Variants in STX12 observed in about 807,000 individuals in gnomAD.
STX12 encodes the protein syntaxin 12, also known as syntaxin-12.
In STX12, 17 loss-of-function variants were observed where a neutral mutation model predicts 42.2. The observed-to-expected ratio is 0.40, with a 90% CI of 0.28 to 0.60. STX12 has a LOEUF of 0.60. STX12 is among the 20% of genes least tolerant of loss of function. The pLI, the probability that STX12 is intolerant of heterozygous loss-of-function variation, is 0.39. For missense variants in STX12, 297 were observed against 330.9 expected (o/e 0.90, Z 0.79); for synonymous variants, 108 against 116.7 (o/e 0.93, Z 0.48).
intron 4 of STX12, among the ~76,000 whole-genome samples, chr1:27,808,286 T>A (rs954520845): frequency 6.6e-6 from 1 of 151,842 alleles, no homozygotes; most frequent in African/African-American, 2.4e-5. Flanking sequence ...GAAAATACAT[T>A]GATTTTTACC....
chr1:27,816,969 G>A (rs1340737232), intron 6 of STX12, among the ~76,000 whole-genome samples: 1 of 147,008 alleles, frequency 6.8e-6, no homozygotes, highest in Non-Finnish European at 1.5e-5. Flanking sequence ...AAGGAAGGGA[G>A]GGAGGGAAAA....
intron 7 of STX12, among the ~76,000 whole-genome samples, chr1:27,818,763 G>A (rs2088961682): frequency 6.6e-6 from 1 of 151,876 alleles, no homozygotes; most frequent in South Asian, 2.1e-4. Flanking sequence ...CCGAGTAGCT[G>A]GGATTACAAG....
chr1:27,782,390 G>T (rs1013168960), intron 1 of STX12, among the ~76,000 whole-genome samples: 4 of 152,172 alleles, frequency 2.6e-5, no homozygotes, highest in African/African-American at 9.7e-5. Flanking sequence ...GAACCACCAT[G>T]CCTGGCCATA....
Position 27,822,385 on chromosome 1 carries a change from T to C in STX12, c.*56T>C, listed in dbSNP as rs571512235. The C allele has an allele frequency of 2.4e-5, 27 of 1,141,176 alleles. No homozygotes were observed. Among genetic ancestry groups the C allele is most frequent in the Middle Eastern group, 3.8e-4 (2 of 5,196 alleles). 70.7% of individuals were successfully genotyped at this position (1,141,176 alleles called of 1,614,324 possible). On this transcript the variant is annotated 3_prime_UTR_variant, in exon 9 of 9. Coordinates refer to ENST00000373943, the MANE Select transcript of STX12 (RefSeq NM_177424.3). ...TTTCAAGGGCAAGTGCTTGTTGAAG[T>C]CTTGCCAGAACAAACTGATCACAAG...
chr1:27,817,151 AT>A (rs2088949589), intron 6 of STX12, among the ~76,000 whole-genome samples: 1 of 152,054 alleles, frequency 6.6e-6, no homozygotes, highest in South Asian at 2.1e-4. Flanking sequence ...AATATAGGGG[AT>A]TTTGCCAATG....
intron 1 of STX12, among the ~76,000 whole-genome samples, chr1:27,781,368 G>T (rs1240711478): frequency 6.6e-6 from 1 of 152,102 alleles, no homozygotes; most frequent in Non-Finnish European, 1.5e-5. Flanking sequence ...ATTAATACTT[G>T]TTGAATCCCT....
chr1:27,797,151 T>C (rs2088792017), intron 3 of STX12, among the ~76,000 whole-genome samples: 3 of 151,906 alleles, frequency 2.0e-5, no homozygotes, highest in Non-Finnish European at 4.4e-5. Flanking sequence ...AACCTTTGTC[T>C]CCCAGGTTCG....
At chr1:27,808,994 T>C (rs781228243) in intron 4 of STX12, among the ~76,000 whole-genome samples, 6 of 152,162 alleles carry the variant, frequency 3.9e-5, no homozygotes, top group Non-Finnish European at 2.9e-5. Flanking sequence ...TCCCAATAAG[T>C]TCTGTTAAAT....
chr1:27,797,875 AACACACACACAC>A (rs61106135), intron 3 of STX12, among the ~76,000 whole-genome samples: 3 of 143,192 alleles, frequency 2.1e-5, no homozygotes, highest in Admixed American at 7.1e-5. Flanking sequence ...TCTGAAGGTA[AACACACACACAC>A]ACACACACAC....
chr1:27,803,807 G>T (rs1036222146), intron 4 of STX12, among the ~76,000 whole-genome samples: 2 of 152,082 alleles, frequency 1.3e-5, no homozygotes, highest in Non-Finnish European at 2.9e-5. Context: ...TTCAAGACCA[G>T]CCTGGCCAAC....
intron 2 of STX12, among the ~76,000 whole-genome samples, chr1:27,792,655 T>C (rs1238165454): frequency 6.6e-6 from 1 of 152,096 alleles, no homozygotes; most frequent in Non-Finnish European, 1.5e-5. Context: ...AACAACTTTA[T>C]TTCCATGATC....
chr1:27,790,499 T>A (rs1224391531), intron 2 of STX12, among the ~76,000 whole-genome samples: 1 of 152,202 alleles, frequency 6.6e-6, no homozygotes, highest in Non-Finnish European at 1.5e-5. Flanking sequence ...ATTGGTGCAT[T>A]TTACAATCCT....
chr1:27,796,111 C>G (rs2088784319), intron 3 of STX12, among the ~76,000 whole-genome samples: 1 of 152,188 alleles, frequency 6.6e-6, no homozygotes, highest in Non-Finnish European at 1.5e-5. Context: ...TGCTGTTGTT[C>G]CTTTCCATTA....
At chr1:27,773,492 G>A in intron 1 of STX12, 67 bp downstream of exon 1, 1 of 1,464,540 alleles carries the variant, frequency 6.8e-7, no homozygotes, top group South Asian at 1.1e-5. Context: ...AGGCTGCCGG[G>A]ACGCAGGGCC....
rs1273521516 is a variant in STX12 at position 27,789,593 on chromosome 1, A to G, written c.150A>G (p.Leu50=). ...TAQIKNLMSQ[L]GTKQDSSKLQ... ...AGATAAAGAATTTGATGAGCCAGCTAGGAACTAAGCAGGACTCAAGCAAGC... is the reference window on the plus strand; with the variant it reads ...AGATAAAGAATTTGATGAGCCAGCTGGGAACTAAGCAGGACTCAAGCAAGC... The change falls in exon 2 of 9, where the codon CTA becomes CTG. Residue 50 remains leucine, a synonymous_variant. Transcript: ENST00000373943. 1 of 1,613,762 alleles carries G rather than the reference A, an allele frequency of 6.2e-7. No individual in the cohort carries two copies. Among genetic ancestry groups the G allele is most frequent in the South Asian group, 1.1e-5 (1 of 91,046 alleles).
At chr1:27,807,908 A>G (rs971754007) in intron 4 of STX12, among the ~76,000 whole-genome samples, 3 of 152,248 alleles carry the variant, frequency 2.0e-5, no homozygotes, top group South Asian at 2.1e-4. Context: ...ATAATCTGGA[A>G]TGATTCAAAA....
chr1:27,782,635 C>T (rs569854620), intron 1 of STX12, among the ~76,000 whole-genome samples: 4 of 151,984 alleles, frequency 2.6e-5, no homozygotes. Context: ...GTCAGGAGTT[C>T]GAGACCAGCC....
intron 6 of STX12, among the ~76,000 whole-genome samples, chr1:27,812,651 G>A (rs2088911988): frequency 6.6e-6 from 1 of 151,852 alleles, no homozygotes; most frequent in East Asian, 1.9e-4. Flanking sequence ...ATGTTGGTCA[G>A]GCTGGTCTTG....
At chr1:27,810,213 A>G (rs1210670264) in intron 4 of STX12, 33 bp from the exon 5 acceptor site, 1 of 1,610,922 alleles carries the variant, frequency 6.2e-7, no homozygotes, top group East Asian at 2.2e-5. Context: ...GTGTTTCTGG[A>G]TGACAGCAGC....
Sources: gnomAD v4.1 joint callset for allele counts (sites outside exome capture counted in the v4.1 genomes callset) on GRCh38, gnomAD v4.1.1 for gene constraint, MANE v1.5 for transcripts, NCBI Gene and HGNC (gene_info 2026-07-23, HGNC 2026-07-21) for gene names.